Variants in ABLIM2 observed in about 807,000 individuals in gnomAD.
ABLIM2 encodes actin binding LIM protein family member 2.
A neutral mutation model predicts 97.7 loss-of-function variants in ABLIM2; 53 were observed. The observed-to-expected ratio is 0.54, with a 90% CI of 0.44 to 0.68. The LOEUF (loss-of-function observed/expected upper bound fraction) is 0.68. Ranked by LOEUF, ABLIM2 falls within the 30% of genes least tolerant of loss-of-function variation. ABLIM2 has a pLI of 0.00. For synonymous variants in ABLIM2, 361 were observed against 345.8 expected (o/e 1.04, Z -0.49); for missense variants, 835 against 867.2 (o/e 0.96, Z 0.47).
At chr4:8,077,463 G>C (rs1011151023) in intron 6 of ABLIM2, among the ~76,000 whole-genome samples, 165 bp downstream of exon 6, 6 of 152,222 alleles carry the variant, frequency 3.9e-5, no homozygotes, top group Admixed American at 6.5e-5. Context: ...GGCAGGCCCT[G>C]GACAGCTGAT....
chr4:8,069,668 C>A lies in ABLIM2; in HGVS notation c.675+7960G>T, dbSNP rs372916349. On this transcript the variant is annotated intron_variant, in intron 6 of 20. Transcript: ENST00000447017. This position sits in a 1 kb window ranked among gnomAD's most constrained non-coding sequence, Gnocchi z 4.2. The stretch of plus-strand genomic sequence containing the variant: ...CTGTCTTGGTTGTCTGTGTGCATTT[C>A]TGTGTGTCTCTGTGTGTGTTTGTGT... 6.6e-6 allele frequency among the ~76,000 whole-genome samples: 1 copy of A among 151,890 alleles called. No homozygotes were observed. The highest frequency in any genetic ancestry group is 1.9e-4 in the East Asian group (1 of 5,146).
chr4:8,065,856 G>A (rs1289368004), intron 6 of ABLIM2, among the ~76,000 whole-genome samples: 3 of 150,840 alleles, frequency 2.0e-5, no homozygotes, highest in East Asian at 2.0e-4. Context: ...CTTGGGAGGC[G>A]GAGGTTGCAG....
chr4:7,973,112 TA>T (rs1729587684), intron 20 of ABLIM2, among the ~76,000 whole-genome samples: 40 of 145,968 alleles, frequency 2.7e-4, no homozygotes, highest in East Asian at 6.0e-4. Context: ...TGTGTGTGTG[TA>T]GGGTGAGGGA....
At chr4:7,972,428 G>A (rs1377920115) in intron 20 of ABLIM2, among the ~76,000 whole-genome samples, 1 of 152,190 alleles carries the variant, frequency 6.6e-6, no homozygotes, top group East Asian at 1.9e-4. Flanking sequence ...CACCAAGCAG[G>A]CCCTGGGGCT....
Position 8,023,043 on chromosome 4 carries a change from CTCCT to C in ABLIM2, c.1268-2744_1268-2741del, listed in dbSNP as rs1774961546. On this transcript the variant is annotated intron_variant, in intron 12 of 20. Transcript: ENST00000447017. The surrounding 1 kb of genome is among the most constrained non-coding windows in gnomAD (Gnocchi z 5.7). ...CTTTTTCCTCTTTCTCCTCCTCCTCCTCCTTCTTCTCTACTTTTTCCTCTTCCTC... is the reference window on the plus strand; with the variant it reads ...CTTTTTCCTCTTTCTCCTCCTCCTCCTCTTCTCTACTTTTTCCTCTTCCTC... 6.6e-6 allele frequency: 1 copy of C among 152,312 alleles called. No individual in the cohort carries two copies. Among genetic ancestry groups the C allele is most frequent in the African/African-American group, 2.4e-5 (1 of 41,148 alleles). The allele number at this position is 152,312 out of a possible 1,614,324, so 9.4% of individuals were successfully genotyped here. A position where few individuals can be genotyped will look rare whatever the true frequency, so the allele number is the denominator to read the frequency against.
intron 18 of ABLIM2, 54 bp from the exon 19 acceptor site, chr4:7,983,608 C>A: frequency 5.6e-6 from 9 of 1,603,460 alleles, no homozygotes; most frequent in Non-Finnish European, 7.7e-6. Flanking sequence ...TGCAAGATGT[C>A]GTCCAAGGTG....
intron 17 of ABLIM2, 68 bp from the exon 18 acceptor site, chr4:7,984,961 C>A: frequency 6.5e-7 from 1 of 1,542,026 alleles, no homozygotes; most frequent in South Asian, 1.2e-5. Context: ...GGGCAGGGAC[C>A]AGGAGATGTG....
Position 8,148,830 on chromosome 4 carries a change from C to T in ABLIM2, c.10+9850G>A, listed in dbSNP as rs1711563109. On this transcript the variant is annotated intron_variant, in intron 1 of 20. Coordinates refer to ENST00000447017, the MANE Select transcript of ABLIM2 (RefSeq NM_001130083.2). The surrounding 1 kb of genome is among the most constrained non-coding windows in gnomAD (Gnocchi z 6.7). Reference sequence around the variant, plus strand: ...GCCTGGGCTGGTTCCTGGACCCCCACCTCTCCATGAGACCACCCCTATCTC... The same window carrying T: ...GCCTGGGCTGGTTCCTGGACCCCCATCTCTCCATGAGACCACCCCTATCTC... Among the ~76,000 whole-genome samples, 1 of 152,160 alleles carries T rather than the reference C, an allele frequency of 6.6e-6. No individual in the cohort carries two copies.
Position 8,069,569 on chromosome 4 carries a change from G to A in ABLIM2, c.675+8059C>T, listed in dbSNP as rs1012602943. Among the ~76,000 whole-genome samples the A allele has an allele frequency of 6.6e-6, 1 of 152,190 alleles. No individual in the cohort carries two copies. Among genetic ancestry groups the A allele is most frequent in the Non-Finnish European group, 1.5e-5 (1 of 68,020 alleles). On this transcript the variant is annotated intron_variant, in intron 6 of 20. Coordinates refer to ENST00000447017, the MANE Select transcript of ABLIM2 (RefSeq NM_001130083.2). The surrounding 1 kb of genome is among the most constrained non-coding windows in gnomAD (Gnocchi z 4.2). The stretch of plus-strand genomic sequence containing the variant: ...GCAAAGGGTGTGTGCGCATGTGCGT[G>A]TCTGTGTGTCTCTGTGTTTTGCCTG...
At chr4:8,100,284 T>C (rs1409688891) in intron 2 of ABLIM2, among the ~76,000 whole-genome samples, 1 of 152,190 alleles carries the variant, frequency 6.6e-6, no homozygotes, top group Non-Finnish European at 1.5e-5. Context: ...TAAAATGTTG[T>C]AAATAGATGC....
chr4:8,071,693 A>AACCC lies in ABLIM2; in HGVS notation c.675+5934_675+5935insGGGT. 7.1e-5 allele frequency: 58 copies of AACCC among 819,808 alleles called. No homozygotes were observed. Among genetic ancestry groups the AACCC allele is most frequent in the African/African-American group, 9.3e-5 (5 of 53,946 alleles). The allele number at this position is 819,808 out of a possible 1,614,324, so 50.8% of individuals were successfully genotyped here. On this transcript the variant is annotated intron_variant, in intron 6 of 20. Coordinates refer to ENST00000447017, the MANE Select transcript of ABLIM2 (RefSeq NM_001130083.2). This position sits in a 1 kb window ranked among gnomAD's most constrained non-coding sequence, Gnocchi z 6.2. ...ACACCTGACTGCTCTGTCCCCAAAA[A>AACCC]CCCACCCACCCGCAGCCCCTCCTGG...
At chr4:8,056,112 C>CA (rs60992903) in intron 7 of ABLIM2, among the ~76,000 whole-genome samples, 985 of 68,248 alleles carry the variant, frequency 0.014, 143 homozygotes, top group African/African-American at 0.055. Context: ...GACTCTGTCT[C>CA]AAAAAAAAAA....
chr4:8,150,577 C>A lies in ABLIM2; in HGVS notation c.10+8103G>T, dbSNP rs889836783. 3.3e-5 allele frequency among the ~76,000 whole-genome samples: 5 copies of A among 152,234 alleles called. No homozygotes were observed. The highest frequency in any genetic ancestry group is 7.3e-5 in the Non-Finnish European group (5 of 68,044). On this transcript the variant is annotated intron_variant, in intron 1 of 20. Transcript: ENST00000447017. This position sits in a 1 kb window ranked among gnomAD's most constrained non-coding sequence, Gnocchi z 6.3. ...TCTAAGCACAGAGAAACCAAAGTCC[C>A]AAACTTCCAGCACAGGGTGCGAGCT...
At chr4:8,049,812 T>C (rs975048152) in intron 8 of ABLIM2, among the ~76,000 whole-genome samples, 1 of 152,210 alleles carries the variant, frequency 6.6e-6, no homozygotes, top group African/African-American at 2.4e-5. Context: ...CACTGCAACC[T>C]CTGCCTCCCG....
intron 16 of ABLIM2, 81 bp downstream of exon 16, chr4:8,007,978 G>GGATA (rs1762503600): frequency 3.8e-6 from 6 of 1,577,756 alleles, no homozygotes; most frequent in Non-Finnish European, 5.2e-6. Flanking sequence ...AGATGTAGGG[G>GGATA]GATAGCTCTG....
chr4:8,090,125 C>G (rs191829683), intron 3 of ABLIM2, among the ~76,000 whole-genome samples: 3 of 152,204 alleles, frequency 2.0e-5, no homozygotes, highest in Non-Finnish European at 2.9e-5. Flanking sequence ...CCCTCCCCTC[C>G]CATCCACTGC....
intron 2 of ABLIM2, among the ~76,000 whole-genome samples, chr4:8,103,864 T>C (rs1835903037): frequency 6.6e-6 from 1 of 152,374 alleles, no homozygotes; most frequent in South Asian, 2.1e-4. Context: ...TCTGTGCTTA[T>C]GGAAATCCTT....
intron 1 of ABLIM2, among the ~76,000 whole-genome samples, chr4:8,115,810 G>C (rs1285360415): frequency 2.0e-5 from 3 of 152,182 alleles, no homozygotes; most frequent in African/African-American, 4.8e-5. Flanking sequence ...GGATATGACA[G>C]AAAAGACACC....
intron 1 of ABLIM2, among the ~76,000 whole-genome samples, chr4:8,135,278 C>A (rs1850024927): frequency 6.6e-6 from 1 of 152,240 alleles, no homozygotes; most frequent in Non-Finnish European, 1.5e-5. Context: ...CCGCAACAGA[C>A]AACTAGGGGT....
Sources: allele counts gnomAD v4.1 joint callset (sites outside exome capture counted in the v4.1 genomes callset), GRCh38; gene constraint gnomAD v4.1.1; non-coding constraint Gnocchi (gnomAD v3.1); transcripts MANE v1.5; gene names NCBI Gene and HGNC (gene_info 2026-07-23, HGNC 2026-07-21).